The following NRG2 variants were observed in gnomAD, a reference collection of about 807,000 sequenced individuals.
NRG2 encodes pro-neuregulin-2, membrane-bound isoform.
A neutral mutation model predicts 73.9 loss-of-function variants in NRG2; 27 were observed. The observed-to-expected ratio is 0.37, with a 90% CI of 0.27 to 0.50. The LOEUF is 0.50. Ranked by LOEUF, NRG2 falls within the 20% of genes least tolerant of loss-of-function variation. NRG2 has a pLI of 0.96. For synonymous variants in NRG2, 532 were observed against 541.0 expected, an observed-to-expected ratio of 0.98 and a Z score of 0.23; for missense variants, 1,126 against 1,210.1, an observed-to-expected ratio of 0.93 and a Z score of 1.03.
In NRG2 at chr5:139,852,321, G is replaced by T; in HGVS notation, c.1544+111C>A. 7.4e-7 allele frequency: 1 copy of T among 1,355,806 alleles called. No homozygotes were observed. The highest frequency in any genetic ancestry group is 1.0e-6 in the Non-Finnish European group (1 of 994,692). 84.0% of individuals were successfully genotyped at this position (1,355,806 alleles called of 1,614,324 possible). ...GCTAAGGTGTGCTGTGATTCCTGTG[G>T]CAAGCTCAGGGGAGGGTATTGAATA... is the stretch of plus-strand genomic sequence containing the variant. On this transcript the variant is annotated intron_variant, in intron 8 of 9. Coordinates refer to ENST00000361474, the MANE Select transcript of NRG2 (RefSeq NM_004883.3). This position sits in a 1 kb window ranked among gnomAD's most constrained non-coding sequence, Gnocchi z 4.4.
intron 1 of NRG2, among the ~76,000 whole-genome samples, chr5:140,016,500 A>G (rs1160150078): frequency 6.6e-6 from 1 of 152,172 alleles, no homozygotes; most frequent in African/African-American, 2.4e-5. Flanking sequence ...AACATATCCT[A>G]GTGTCAACTA....
intron 1 of NRG2, among the ~76,000 whole-genome samples, chr5:139,973,156 C>CAAAAAAAAAAAAAAAAAAAAA (rs58053481): frequency 7.8e-5 from 7 of 89,438 alleles, no homozygotes; most frequent in Non-Finnish European, 1.4e-4. Context: ...TAAGAATATG[C>CAAAAAAAAAAAAAAAAAAAAA]AAAAAAAAAA....
chr5:139,847,315 T>C lies in NRG2; in HGVS notation c.*602A>G, dbSNP rs965741401. 6.6e-6 allele frequency: 1 copy of C among 151,568 alleles called. No individual in the cohort carries two copies. Among genetic ancestry groups the C allele is most frequent in the African/African-American group, 2.4e-5 (1 of 41,158 alleles). The allele number at this position is 151,568 out of a possible 1,614,324, so 9.4% of individuals were successfully genotyped here. The stretch of plus-strand genomic sequence containing the variant: ...TTTAACAGCTGTGAGTAGCCAGGGC[T>C]TCCCCATTCGGGTAGCTGTGTCTTT... On this transcript the variant is annotated 3_prime_UTR_variant, in exon 10 of 10. Transcript: ENST00000361474.
At chr5:139,885,257 A>G (rs1763789714) in intron 2 of NRG2, among the ~76,000 whole-genome samples, 1 of 152,222 alleles carries the variant, frequency 6.6e-6, no homozygotes, top group African/African-American at 2.4e-5. Flanking sequence ...AGCTCAGGAA[A>G]GTTCCAGCAT....
chr5:139,881,541 C>G (rs950630046), intron 2 of NRG2, among the ~76,000 whole-genome samples: 1 of 152,210 alleles, frequency 6.6e-6, no homozygotes, highest in African/African-American at 2.4e-5. Context: ...TTGTTTCATT[C>G]ATTCATTCAA....
At position 139,915,168 on chromosome 5, in the gene NRG2, G is replaced by A. The variant is rs1209994371; in HGVS notation, c.701-27657C>T. 3.9e-5 allele frequency among the ~76,000 whole-genome samples: 6 copies of A among 152,204 alleles called. No homozygotes were observed. Among genetic ancestry groups the A allele is most frequent in the Non-Finnish European group, 7.3e-5 (5 of 68,038 alleles). ...AGACAAACCGGCTTAATGTAATTAC[G>A]GAAATGGTTGCAAGGGGGCTCTTGT... is the stretch of plus-strand genomic sequence containing the variant. On this transcript the variant is annotated intron_variant, in intron 1 of 9. Coordinates refer to ENST00000361474, the MANE Select transcript of NRG2 (RefSeq NM_004883.3). The surrounding 1 kb of genome is among the most constrained non-coding windows in gnomAD (Gnocchi z 4.0).
At chr5:139,959,785 T>C (rs1252377573) in intron 1 of NRG2, among the ~76,000 whole-genome samples, 3 of 152,166 alleles carry the variant, frequency 2.0e-5, no homozygotes, top group African/African-American at 7.2e-5. Context: ...AGTGTTGGGA[T>C]TACAGGCGTG....
intron 2 of NRG2, among the ~76,000 whole-genome samples, chr5:139,884,218 C>T (rs1763724445): frequency 6.6e-6 from 1 of 152,168 alleles, no homozygotes; most frequent in Non-Finnish European, 1.5e-5. Flanking sequence ...GCAATGAAGC[C>T]ATGTCTAAGG....
At chr5:139,872,962 C>A (rs1245722414) in intron 3 of NRG2, among the ~76,000 whole-genome samples, 4 of 152,174 alleles carry the variant, frequency 2.6e-5, no homozygotes, top group Non-Finnish European at 5.9e-5. Flanking sequence ...TGAGGTGGCC[C>A]AAGCTACCCC....
chr5:140,026,002 G>T (rs929961428), intron 1 of NRG2, among the ~76,000 whole-genome samples: 43 of 152,116 alleles, frequency 2.8e-4, no homozygotes, highest in African/African-American at 9.4e-4. Context: ...GAGGGGATCA[G>T]AAAAAGCTTT....
At chr5:140,020,625 G>A (rs1343386865) in intron 1 of NRG2, among the ~76,000 whole-genome samples, 1 of 152,192 alleles carries the variant, frequency 6.6e-6, no homozygotes, top group Non-Finnish European at 1.5e-5. Flanking sequence ...AGAATGACCA[G>A]AACACACTGA....
At chr5:139,947,843 A>G (rs949658928) in intron 1 of NRG2, among the ~76,000 whole-genome samples, 3 of 152,192 alleles carry the variant, frequency 2.0e-5, no homozygotes, top group Non-Finnish European at 4.4e-5. Context: ...GGCCATTTGT[A>G]TAGCTCCTCT....
intron 1 of NRG2, among the ~76,000 whole-genome samples, chr5:139,978,568 C>G (rs190816542): frequency 6.6e-6 from 1 of 152,144 alleles, no homozygotes; most frequent in Admixed American, 6.5e-5. Flanking sequence ...CTAGAAATAC[C>G]ATTTGACCCC....
chr5:140,024,403 C>T (rs1445063601), intron 1 of NRG2, among the ~76,000 whole-genome samples: 1 of 152,088 alleles, frequency 6.6e-6, no homozygotes, highest in Non-Finnish European at 1.5e-5. Flanking sequence ...TACAGGCGCC[C>T]GCCACTAGAC....
intron 2 of NRG2, among the ~76,000 whole-genome samples, chr5:139,882,711 G>A (rs906463388): frequency 1.3e-5 from 2 of 152,224 alleles, no homozygotes; most frequent in Non-Finnish European, 2.9e-5. Context: ...GTCCGGGGGT[G>A]GGGGTGTTGA....
intron 3 of NRG2, among the ~76,000 whole-genome samples, chr5:139,880,044 G>A (rs1341920172): frequency 6.6e-6 from 1 of 152,174 alleles, no homozygotes; most frequent in African/African-American, 2.4e-5. Context: ...ATTATATTCT[G>A]TGATGAGCAG....
At chr5:140,018,514 C>T (rs191274627) in intron 1 of NRG2, among the ~76,000 whole-genome samples, 1 of 152,262 alleles carries the variant, frequency 6.6e-6, no homozygotes, top group East Asian at 1.9e-4. Context: ...CACATCATTG[C>T]CCAGCCACCT....
At chr5:140,011,968 A>G (rs1759401591) in intron 1 of NRG2, among the ~76,000 whole-genome samples, 1 of 152,072 alleles carries the variant, frequency 6.6e-6, no homozygotes, top group African/African-American at 2.4e-5. Context: ...GGATGAATTC[A>G]TACTACTTAA....
chr5:139,886,061 T>C (rs991916723), intron 2 of NRG2, among the ~76,000 whole-genome samples: 4 of 152,058 alleles, frequency 2.6e-5, no homozygotes, highest in African/African-American at 7.2e-5. Context: ...AAGGGACATA[T>C]AGAACCCCCC....
Sources: allele counts gnomAD v4.1 joint callset (sites outside exome capture counted in the v4.1 genomes callset), GRCh38; gene constraint gnomAD v4.1.1; non-coding constraint Gnocchi (gnomAD v3.1); transcripts MANE v1.5; gene names NCBI Gene and HGNC (gene_info 2026-07-23, HGNC 2026-07-21).